RAB19: variants seen among roughly 807,000 people sequenced by gnomAD.
RAB19 encodes RAB19, member RAS oncogene family.
Under a neutral mutation model 17.3 loss-of-function variants are expected in RAB19, and 21 were observed. The observed-to-expected ratio is 1.21, with a 90% confidence interval of 0.86 to 1.74. The LOEUF is 1.74. Ranked by LOEUF, RAB19 falls within the 40% of genes most tolerant of loss-of-function variation. The pLI is 0.00. For missense variants in RAB19, 277 were observed against 286.8 expected (o/e 0.97, Z 0.25); for synonymous variants, 126 against 110.4 (o/e 1.14, Z -0.88).
Position 140,425,988 on chromosome 7 carries a change from G to A in RAB19, c.492G>A (p.Glu164=). Reference sequence around the variant, plus strand: ...CCGTTTTGGAGACATCTGCCAAGGAGTCAAAGAACATAGAAGAAGTCTTCG... The same window carrying A: ...CCGTTTTGGAGACATCTGCCAAGGAATCAAAGAACATAGAAGAAGTCTTCG... ...LLAVLETSAK[E]SKNIEEVFVL... Residue 164 remains glutamate, a synonymous_variant, in exon 4 of 4, where the codon GAG becomes GAA. Transcript: ENST00000537763. 2 of 1,614,156 alleles carry A rather than the reference G, an allele frequency of 1.2e-6. No individual in the cohort carries two copies. The highest frequency in any genetic ancestry group is 1.7e-6 in the Non-Finnish European group (2 of 1,180,032).
chr7:140,419,608 C>T (rs1025296719), intron 3 of RAB19, among the ~76,000 whole-genome samples: 10 of 152,114 alleles, frequency 6.6e-5, no homozygotes, highest in African/African-American at 2.4e-4. Context: ...ATTGCTGCTC[C>T]GAACATTCTG....
At chr7:140,424,328 T>C (rs1799613617) in intron 3 of RAB19, among the ~76,000 whole-genome samples, 1 of 151,450 alleles carries the variant, frequency 6.6e-6, no homozygotes, top group South Asian at 2.1e-4. Context: ...CAGCTAATTT[T>C]GTATTTTTAG....
intron 3 of RAB19, among the ~76,000 whole-genome samples, chr7:140,415,266 G>C (rs569927588): frequency 1.9e-4 from 29 of 151,864 alleles, no homozygotes; most frequent in African/African-American, 2.4e-5. Flanking sequence ...GTAGAGACAG[G>C]GTTTCACCAT....
chr7:140,420,903 A>G (rs1439205019), intron 3 of RAB19, among the ~76,000 whole-genome samples: 3 of 151,812 alleles, frequency 2.0e-5, no homozygotes, highest in African/African-American at 7.3e-5. Context: ...TTTTATTTTT[A>G]TTTTTTTGAG....
chr7:140,410,168 G>C (rs1799327725), intron 2 of RAB19, among the ~76,000 whole-genome samples: 1 of 151,568 alleles, frequency 6.6e-6, no homozygotes, highest in Non-Finnish European at 1.5e-5. Context: ...GTCTCACTTT[G>C]TTGCCCAGAT....
chr7:140,412,858 G>A (rs1799392295), intron 3 of RAB19, among the ~76,000 whole-genome samples: 1 of 151,752 alleles, frequency 6.6e-6, no homozygotes, highest in African/African-American at 2.4e-5. Flanking sequence ...GGGCGTGGTG[G>A]TTCATGCCTG....
At chr7:140,415,551 C>T (rs756122355) in intron 3 of RAB19, among the ~76,000 whole-genome samples, 2 of 152,148 alleles carry the variant, frequency 1.3e-5, no homozygotes, top group Admixed American at 6.6e-5. Flanking sequence ...GAAAAATGTA[C>T]TCTGTGTTAC....
At position 140,427,042 on chromosome 7, in the gene RAB19, A is replaced by G. The variant is rs776697393; in HGVS notation, c.*892A>G. On this transcript the variant is annotated 3_prime_UTR_variant, in exon 4 of 4. Transcript: ENST00000537763. ...TTTTTTGTAGAGACAAGGTTTCACC[A>G]TGTTGCTCAGGCTGATCTTGAACTC... Among the ~76,000 whole-genome samples the G allele has an allele frequency of 1.5e-4, 22 of 150,980 alleles. No homozygotes were observed. Among genetic ancestry groups the G allele is most frequent in the Admixed American group, 4.6e-4 (7 of 15,124 alleles).
At chr7:140,414,465 T>G (rs1175105237) in intron 3 of RAB19, among the ~76,000 whole-genome samples, 1 of 152,200 alleles carries the variant, frequency 6.6e-6, no homozygotes, top group African/African-American at 2.4e-5. Flanking sequence ...GGGTGACAGA[T>G]GCCAGGATGT....
intron 3 of RAB19, among the ~76,000 whole-genome samples, chr7:140,413,033 G>A (rs920445387): frequency 6.6e-6 from 1 of 152,064 alleles, no homozygotes; most frequent in African/African-American, 2.4e-5. Flanking sequence ...GGCTGAGGTG[G>A]GAGGATTGCT....
At position 140,406,710 on chromosome 7, in the gene RAB19, A is replaced by G. The variant is rs141284192; in HGVS notation, c.-23-914A>G. Among the ~76,000 whole-genome samples, 1,248 of 152,178 alleles carry G rather than the reference A, an allele frequency of 8.2e-3. 21 individuals are homozygous for G. The highest frequency in any genetic ancestry group is 0.028 in the African/African-American group (1,175 of 41,526). ...CCAGCCTTTGGTAAAATATGCCATA[A>G]CATTATAGCCATGGTTTTAATTTTG... On this transcript the variant is annotated intron_variant, in intron 1 of 3. Transcript: ENST00000537763.
chr7:140,415,899 T>C (rs1294774976), intron 3 of RAB19, among the ~76,000 whole-genome samples: 1 of 150,536 alleles, frequency 6.6e-6, no homozygotes, highest in Non-Finnish European at 1.5e-5. Context: ...AGCAAGACTC[T>C]GTCTCAAAAA....
At chr7:140,416,094 G>A (rs1352146917) in intron 3 of RAB19, among the ~76,000 whole-genome samples, 2 of 151,946 alleles carry the variant, frequency 1.3e-5, no homozygotes, top group African/African-American at 4.8e-5. Context: ...TGTAATCCTA[G>A]CACTTTGGGA....
At chr7:140,408,078 G>A (rs944571610) in intron 2 of RAB19, among the ~76,000 whole-genome samples, 3 of 149,606 alleles carry the variant, frequency 2.0e-5, no homozygotes, top group African/African-American at 7.4e-5. Flanking sequence ...TAGTAGAGAT[G>A]GGGTTTCATG....
intron 3 of RAB19, among the ~76,000 whole-genome samples, chr7:140,421,395 C>T (rs985851397): frequency 6.6e-6 from 1 of 152,062 alleles, no homozygotes; most frequent in Non-Finnish European, 1.5e-5. Context: ...GAGTCTTGAT[C>T]TGTGACCCAG....
At chr7:140,418,292 C>G (rs1799495465) in intron 3 of RAB19, among the ~76,000 whole-genome samples, 1 of 150,986 alleles carries the variant, frequency 6.6e-6, no homozygotes, top group Non-Finnish European at 1.5e-5. Flanking sequence ...TGGTTCACAC[C>G]TGTAGTCCTA....
intron 3 of RAB19, among the ~76,000 whole-genome samples, chr7:140,412,460 A>G (rs1000701681): frequency 1.3e-5 from 2 of 151,994 alleles, no homozygotes; most frequent in Non-Finnish European, 2.9e-5. Flanking sequence ...GGGGGGAAAA[A>G]AAATGTGTAA....
intron 3 of RAB19, among the ~76,000 whole-genome samples, chr7:140,421,187 G>A (rs1161373733): frequency 1.3e-5 from 2 of 151,036 alleles, no homozygotes; most frequent in African/African-American, 4.9e-5. Flanking sequence ...CACCACGCCT[G>A]GCCTTTTATG....
chr7:140,422,687 A>T (rs1463492969), intron 3 of RAB19, among the ~76,000 whole-genome samples: 1 of 151,854 alleles, frequency 6.6e-6, no homozygotes, highest in Non-Finnish European at 1.5e-5. Context: ...GTGGCGGTGC[A>T]TGTCTGTAGT....
Sources: allele counts gnomAD v4.1 joint callset (sites outside exome capture counted in the v4.1 genomes callset), GRCh38; gene constraint gnomAD v4.1.1; transcripts MANE v1.5; gene names NCBI Gene and HGNC (gene_info 2026-07-23, HGNC 2026-07-21).